PHC3: variants seen among roughly 807,000 people sequenced by gnomAD.
PHC3 encodes the protein polyhomeotic-like protein 3.
Under a neutral mutation model 107.4 loss-of-function variants are expected in PHC3, and 13 were observed. That is an observed-to-expected ratio of 0.12 (90% confidence interval 0.08 to 0.19). PHC3 has a LOEUF of 0.19. Among genes scored for constraint, PHC3 ranks in the 10% least tolerant of loss-of-function variants. The probability of loss-of-function intolerance (pLI) is 1.00; values close to 1 mark genes in which losing one functional copy is unlikely to be tolerated. For missense variants in PHC3, 992 were observed against 1,210.9 expected (o/e 0.82, Z 2.68); for synonymous variants, 456 against 427.4 (o/e 1.07, Z -0.83).
intron 4 of PHC3, among the ~76,000 whole-genome samples, chr3:170,168,753 CAAAAAA>C (rs59152470): frequency 1.3e-5 from 1 of 77,082 alleles, no homozygotes; most frequent in African/African-American, 5.1e-5. Context: ...GACTCCGTCT[CAAAAAA>C]AAAAAAAAAA....
chr3:170,172,147 A>G (rs1560132343), intron 3 of PHC3, among the ~76,000 whole-genome samples: 1 of 152,170 alleles, frequency 6.6e-6, no homozygotes, highest in Non-Finnish European at 1.5e-5. Flanking sequence ...ATAGACAGGG[A>G]AAAGGAACAG....
intron 9 of PHC3, 131 bp from the exon 10 acceptor site, chr3:170,117,607 A>G: frequency 1.1e-6 from 1 of 875,226 alleles, no homozygotes; most frequent in Non-Finnish European, 1.7e-6. Context: ...TAAGAACCTT[A>G]AGACCTCATT....
chr3:170,130,728 T>C lies in PHC3; in HGVS notation c.920-1176A>G, dbSNP rs570561314. Among the ~76,000 whole-genome samples the C allele has an allele frequency of 4.6e-5, 7 of 152,282 alleles. No individual in the cohort carries two copies. In the South Asian group the frequency reaches 1.2e-3, roughly 27 times the overall value. On this transcript the variant is annotated intron_variant, in intron 7 of 14. Coordinates refer to ENST00000495893, the MANE Select transcript of PHC3 (RefSeq NM_024947.4). Reference sequence around the variant, plus strand: ...TGTAAGAATTAGCACAGTCAAGTGGTAGGGAGCCCCCCATCATGCCTTTTC... The same window carrying C: ...TGTAAGAATTAGCACAGTCAAGTGGCAGGGAGCCCCCCATCATGCCTTTTC...
Position 170,095,830 on chromosome 3 carries a change from C to G in PHC3, c.*1400G>C, listed in dbSNP as rs574922348. ...GAACACTGTTCAGTAAAAGGTTTTG[C>G]TTTACATTTTTTTCCTCAAACATGT... On this transcript the variant is annotated 3_prime_UTR_variant, in exon 15 of 15. Transcript: ENST00000495893. 1 of 152,252 alleles carries G rather than the reference C, an allele frequency of 6.6e-6. No individual in the cohort carries two copies. The highest frequency in any genetic ancestry group is 1.9e-4 in the East Asian group (1 of 5,194). The allele number at this position is 152,252 out of a possible 1,614,324, so 9.4% of individuals were successfully genotyped here.
intron 4 of PHC3, chr3:170,171,104 G>C: frequency 2.1e-6 from 1 of 480,586 alleles, no homozygotes; most frequent in Non-Finnish European, 3.6e-6. Flanking sequence ...AATACACACA[G>C]AAAGCTGAAA....
At chr3:170,181,575 A>C in intron 1 of PHC3, 127 bp downstream of exon 1, 1 of 1,377,968 alleles carries the variant, frequency 7.3e-7, no homozygotes, top group South Asian at 1.2e-5. Flanking sequence ...CCACGATAGG[A>C]CGGGTCTCGA....
At chr3:170,171,491 G>A (rs777518042) in intron 3 of PHC3, 41 bp from the exon 4 acceptor site, 3 of 1,408,080 alleles carry the variant, frequency 2.1e-6, no homozygotes, top group East Asian at 2.4e-5. Flanking sequence ...GTAAAAACCT[G>A]AAGTTAAGAA....
In PHC3 at chr3:170,089,281, C is replaced by T. The variant is rs1560001630; in HGVS notation, c.*7949G>A. The stretch of plus-strand genomic sequence containing the variant: ...CTGATGTTAACAAGTAAAGCTTTGT[C>T]AACAGGAATTACAATGTGATTCACA... On this transcript the variant is annotated 3_prime_UTR_variant, in exon 15 of 15. Transcript: ENST00000495893. The T allele has an allele frequency of 1.3e-5, 2 of 152,124 alleles. No individual in the cohort carries two copies. Among genetic ancestry groups the T allele is most frequent in the South Asian group, 2.1e-4 (1 of 4,822 alleles). The allele number at this position is 152,124 out of a possible 1,614,324, so 9.4% of individuals were successfully genotyped here.
At chr3:170,107,941 C>T (rs1458675041) in intron 11 of PHC3, among the ~76,000 whole-genome samples, 1 of 152,070 alleles carries the variant, frequency 6.6e-6, no homozygotes, top group Non-Finnish European at 1.5e-5. Flanking sequence ...TAATACATTT[C>T]CCAAAGAATT....
chr3:170,169,416 T>C (rs1729244974), intron 4 of PHC3, among the ~76,000 whole-genome samples: 1 of 152,228 alleles, frequency 6.6e-6, no homozygotes, highest in African/African-American at 2.4e-5. Context: ...TTTTTGGATA[T>C]TGACCTAAAT....
chr3:170,114,300 C>T (rs897191597), intron 10 of PHC3, among the ~76,000 whole-genome samples: 18 of 152,296 alleles, frequency 1.2e-4, no homozygotes, highest in African/African-American at 4.1e-4. Context: ...TGAGCCACTG[C>T]GCCCGGCCAA....
chr3:170,092,696 T>C lies in PHC3; in HGVS notation c.*4534A>G, dbSNP rs1233366839. ...TATCTGAAAATGGAAACTCTGTAAT[T>C]CTGGCAACTCAATTACAACAACCTT... On this transcript the variant is annotated 3_prime_UTR_variant, in exon 15 of 15. Coordinates refer to ENST00000495893, the MANE Select transcript of PHC3 (RefSeq NM_024947.4). The C allele has an allele frequency of 6.6e-6, 1 of 152,226 alleles. No homozygotes were observed. The highest frequency in any genetic ancestry group is 1.5e-5 in the Non-Finnish European group (1 of 68,034). The allele number at this position is 152,226 out of a possible 1,614,324, so 9.4% of individuals were successfully genotyped here. A position where few individuals can be genotyped will look rare whatever the true frequency, so the allele number is the denominator to read the frequency against.
intron 9 of PHC3, among the ~76,000 whole-genome samples, chr3:170,120,114 AACTG>A (rs1249928345): frequency 1.2e-4 from 18 of 152,182 alleles, no homozygotes; most frequent in Admixed American, 4.6e-4. Flanking sequence ...TATTCAATAA[AACTG>A]ACTTTTTTTT....
At chr3:170,117,844 C>CAAAAAAAAAAAAA (rs556845192) in intron 9 of PHC3, among the ~76,000 whole-genome samples, 1 of 117,986 alleles carries the variant, frequency 8.5e-6, no homozygotes, top group Non-Finnish European at 1.9e-5. Context: ...AAAAAAAAAC[C>CAAAAAAAAAAAAA]AAAAAAAAAA....
intron 10 of PHC3, 190 bp downstream of exon 10, chr3:170,117,036 A>T: frequency 2.7e-6 from 2 of 728,334 alleles, no homozygotes; most frequent in South Asian, 4.7e-5. Context: ...TTATGCATCT[A>T]AACTTAGCTG....
chr3:170,111,256 C>G (rs949819925), intron 11 of PHC3, among the ~76,000 whole-genome samples: 4 of 121,360 alleles, frequency 3.3e-5, no homozygotes, highest in South Asian at 2.7e-4. Flanking sequence ...TTCTTTAAAA[C>G]AAGAAGAAGG....
chr3:170,141,458 A>T (rs1165130803), intron 6 of PHC3, among the ~76,000 whole-genome samples: 1 of 152,216 alleles, frequency 6.6e-6, no homozygotes, highest in Non-Finnish European at 1.5e-5. Context: ...TTTTGACTCT[A>T]TTCACATTAA....
At chr3:170,159,274 A>AT (rs1560112254) in intron 4 of PHC3, among the ~76,000 whole-genome samples, 3 of 149,656 alleles carry the variant, frequency 2.0e-5, no homozygotes, top group African/African-American at 7.4e-5. Context: ...AAAAAAAAAA[A>AT]TCTGATAAAT....
At chr3:170,154,194 G>C (rs1450158896) in intron 4 of PHC3, among the ~76,000 whole-genome samples, 1 of 152,076 alleles carries the variant, frequency 6.6e-6, no homozygotes, top group African/African-American at 2.4e-5. Flanking sequence ...TCTACGAAAG[G>C]TCTTCATTCA....
Sources: allele counts gnomAD v4.1 joint callset (sites outside exome capture counted in the v4.1 genomes callset), GRCh38; gene constraint gnomAD v4.1.1; transcripts MANE v1.5; gene names NCBI Gene and HGNC (gene_info 2026-07-23, HGNC 2026-07-21).